Variants in M1AP observed in about 807,000 individuals in gnomAD.
The protein encoded by M1AP is meiosis 1 associated protein.
In M1AP, 39 loss-of-function variants were observed where a neutral mutation model predicts 51.2. The ratio of observed to expected loss-of-function variants is 0.76; its 90% CI spans 0.59 to 1.00. M1AP has a LOEUF of 1.00. M1AP is among the 50% of genes least tolerant of loss of function. M1AP has a pLI of 0.00. For synonymous variants in M1AP, 251 were observed against 249.2 expected (o/e 1.01, Z -0.07); for missense variants, 545 against 641.2 (o/e 0.85, Z 1.62).
chr2:74,620,382 C>A (rs1343293448), intron 2 of M1AP, among the ~76,000 whole-genome samples: 47 of 152,200 alleles, frequency 3.1e-4, no homozygotes, highest in Admixed American at 3.1e-3. Context: ...CATGCAGAGG[C>A]AAGGCTGAGG....
At chr2:74,575,191 G>T in intron 7 of M1AP, 1 of 671,848 alleles carries the variant, frequency 1.5e-6, no homozygotes, top group Non-Finnish European at 1.8e-6. Context: ...CCATTTAAAT[G>T]TTAAGCTTGC....
intron 3 of M1AP, among the ~76,000 whole-genome samples, chr2:74,608,547 C>T (rs145909465): frequency 3.9e-5 from 6 of 152,298 alleles, no homozygotes; most frequent in Non-Finnish European, 7.4e-5. Flanking sequence ...GCCATAAATA[C>T]CCAAGTGCGG....
chr2:74,588,621 G>GAA (rs1338452563), intron 4 of M1AP, among the ~76,000 whole-genome samples: 1 of 152,148 alleles, frequency 6.6e-6, no homozygotes, highest in Non-Finnish European at 1.5e-5. Context: ...TGGACCCTAG[G>GAA]AAAAAGGAGA....
intron 2 of M1AP, among the ~76,000 whole-genome samples, chr2:74,622,543 C>CT (rs534273779): frequency 0.044 from 5,191 of 117,040 alleles, 281 homozygotes; most frequent in African/African-American, 0.12. Flanking sequence ...CCATTGCCTG[C>CT]TTTTTTTTTT....
At chr2:74,602,771 C>A (rs1035722133) in intron 4 of M1AP, among the ~76,000 whole-genome samples, 1 of 152,124 alleles carries the variant, frequency 6.6e-6, no homozygotes, top group African/African-American at 2.4e-5. Flanking sequence ...GAATTACAAG[C>A]GATTTATGGA....
intron 1 of M1AP, among the ~76,000 whole-genome samples, chr2:74,645,615 A>G (rs1274089424): frequency 2.0e-5 from 3 of 152,190 alleles, no homozygotes; most frequent in Non-Finnish European, 4.4e-5. Flanking sequence ...CGACTCTATG[A>G]CCTGGAAGTT....
intron 3 of M1AP, among the ~76,000 whole-genome samples, chr2:74,608,406 A>G (rs6546914): frequency 0.37 from 56,354 of 152,088 alleles, 17,378 homozygotes; most frequent in East Asian, 0.82. Flanking sequence ...ATCTTTCTGT[A>G]GCTTGATAGC....
At chr2:74,611,772 C>T (rs7603896) in intron 3 of M1AP, among the ~76,000 whole-genome samples, 2 of 147,520 alleles carry the variant, frequency 1.4e-5, no homozygotes, top group African/African-American at 5.0e-5. Context: ...GTGGAGGTTG[C>T]GGTGAGCCGA....
At chr2:74,617,967 T>C (rs527419291) in intron 2 of M1AP, among the ~76,000 whole-genome samples, 1 of 152,350 alleles carries the variant, frequency 6.6e-6, no homozygotes, top group East Asian at 1.9e-4. Flanking sequence ...CAAATGGTTC[T>C]CTGGAGTAAA....
At chr2:74,645,187 C>T (rs2104863988) in intron 1 of M1AP, among the ~76,000 whole-genome samples, 1 of 152,280 alleles carries the variant, frequency 6.6e-6, no homozygotes, top group East Asian at 1.9e-4. Flanking sequence ...CTGTAACACT[C>T]ACTGCAAAGG....
chr2:74,589,236 G>A (rs558932246), intron 4 of M1AP, among the ~76,000 whole-genome samples: 2 of 152,320 alleles, frequency 1.3e-5, no homozygotes, highest in East Asian at 3.9e-4. Context: ...CTTGAGATGG[G>A]AATGAGCTTT....
intron 4 of M1AP, among the ~76,000 whole-genome samples, chr2:74,583,727 T>C (rs1253900487): frequency 4.6e-5 from 7 of 152,192 alleles, no homozygotes; most frequent in African/African-American, 1.7e-4. Context: ...TAGAATGACA[T>C]TCCTGAGGAC....
rs765669937 is a variant in M1AP, at chr2:74,640,153, G to A, written c.123C>T (p.Leu41=). The change falls in exon 2 of 11, where the codon CTC becomes CTT. Residue 41 remains leucine, a synonymous_variant. Transcript: ENST00000421985. The part of the protein sequence containing the change: ...LPSWADICTN[L]CEALQNFFSL... ...AGAAGAAGTTCTGCAGAGCCTCACAGAGGTTGGTGCAGATGTCAGCCCAGG... is the reference window on the plus strand; with the variant it reads ...AGAAGAAGTTCTGCAGAGCCTCACAAAGGTTGGTGCAGATGTCAGCCCAGG... 3 of 1,614,154 alleles carry A rather than the reference G, an allele frequency of 1.9e-6. No homozygotes were observed. Among genetic ancestry groups the A allele is most frequent in the South Asian group, 1.1e-5 (1 of 91,080 alleles).
chr2:74,562,020 C>T (rs1475557416), intron 8 of M1AP, 197 bp downstream of exon 8: 1 of 985,422 alleles, frequency 1.0e-6, no homozygotes, highest in Non-Finnish European at 1.2e-6. Flanking sequence ...TATTTCACTC[C>T]TTACCCTGCT....
chr2:74,626,924 T>C (rs375792843), intron 2 of M1AP, among the ~76,000 whole-genome samples: 17 of 152,360 alleles, frequency 1.1e-4, no homozygotes, highest in African/African-American at 3.6e-4. Context: ...TAATATCTGA[T>C]AGGAATAGTC....
chr2:74,612,228 T>C (rs1681409256), intron 3 of M1AP, among the ~76,000 whole-genome samples: 1 of 152,020 alleles, frequency 6.6e-6, no homozygotes, highest in African/African-American at 2.4e-5. Context: ...TGTTTTTGTT[T>C]GTTTTTAAGA....
At chr2:74,565,554 C>T (rs1479836317) in intron 7 of M1AP, among the ~76,000 whole-genome samples, 1 of 151,936 alleles carries the variant, frequency 6.6e-6, no homozygotes, top group African/African-American at 2.4e-5. Context: ...GGCAGCCGGG[C>T]GTGGTGGCTC....
Position 74,581,759 on chromosome 2 carries a change from A to C in M1AP, c.684T>G (p.His228Gln), listed in dbSNP as rs369658055. The C allele has an allele frequency of 1.9e-6, 3 of 1,613,996 alleles. No homozygotes were observed. Among genetic ancestry groups the C allele is most frequent in the Non-Finnish European group, 2.5e-6 (3 of 1,179,964 alleles). ...TTTGTTCTTGGTCTGTTCCACTGTT[A>C]TGTAGCCAGGCTTTGAAGAAAATCT... ...SMEIFFKAWLHNSGTDQEQIH... is the reference protein window; with the variant it reads ...SMEIFFKAWLQNSGTDQEQIH... Residue 228 changes from histidine to glutamine, a missense_variant, in exon 5 of 11, where the codon CAT becomes CAG. His to Gln is a conservative substitution (Grantham distance 24). Transcript: ENST00000421985.
intron 5 of M1AP, among the ~76,000 whole-genome samples, chr2:74,579,755 T>C (rs1027125057): frequency 1.3e-5 from 2 of 152,184 alleles, no homozygotes; most frequent in African/African-American, 4.8e-5. Context: ...AAGAGCTGTG[T>C]AATGTTTAAC....
Sources: allele counts gnomAD v4.1 joint callset (sites outside exome capture counted in the v4.1 genomes callset), GRCh38; gene constraint gnomAD v4.1.1; transcripts MANE v1.5; gene names NCBI Gene and HGNC (gene_info 2026-07-23, HGNC 2026-07-21).